KCNH1: variants seen among roughly 807,000 people sequenced by gnomAD.
KCNH1 encodes the protein potassium voltage-gated channel subfamily H member 1.
In KCNH1, 27 loss-of-function variants were observed where a neutral mutation model predicts 69.2. The observed-to-expected ratio is 0.39, with a 90% CI of 0.29 to 0.54. The LOEUF is 0.54. KCNH1 is among the 20% of genes least tolerant of loss of function. KCNH1 has a pLI of 0.68. For missense variants in KCNH1, 798 were observed against 1,261.6 expected, an observed-to-expected ratio of 0.63 and a Z score of 5.57; for synonymous variants, 456 against 487.7, an observed-to-expected ratio of 0.93 and a Z score of 0.86.
At chr1:210,871,093 C>G (rs529514054) in intron 7 of KCNH1, among the ~76,000 whole-genome samples, 1 of 152,292 alleles carries the variant, frequency 6.6e-6, no homozygotes, top group African/African-American at 2.4e-5. Context: ...GCAAAAGAAA[C>G]TACCATCAGA....
intron 10 of KCNH1, among the ~76,000 whole-genome samples, chr1:210,749,972 A>G (rs1683246784): frequency 6.6e-6 from 1 of 152,094 alleles, no homozygotes; most frequent in Non-Finnish European, 1.5e-5. Context: ...CAAACTCCTG[A>G]TCTCAGGTGA....
chr1:210,780,761 G>A (rs1002185555), intron 9 of KCNH1, among the ~76,000 whole-genome samples: 1 of 152,172 alleles, frequency 6.6e-6, no homozygotes, highest in African/African-American at 2.4e-5. Context: ...AAACTGAAAA[G>A]CCATGGCCGG....
At chr1:210,810,839 G>T (rs1210082361) in intron 7 of KCNH1, among the ~76,000 whole-genome samples, 2 of 152,036 alleles carry the variant, frequency 1.3e-5, no homozygotes, top group African/African-American at 4.8e-5. Flanking sequence ...GAAATATATG[G>T]TAATCCTTAG....
intron 6 of KCNH1, among the ~76,000 whole-genome samples, chr1:210,954,253 C>G (rs1000665250): frequency 2.6e-5 from 4 of 152,340 alleles, no homozygotes; most frequent in Admixed American, 2.6e-4. Flanking sequence ...TTTATGGCTG[C>G]ATTGTATTCC....
chr1:210,739,451 C>T (rs12037777), intron 10 of KCNH1, among the ~76,000 whole-genome samples: 1 of 152,212 alleles, frequency 6.6e-6, no homozygotes, highest in Non-Finnish European at 1.5e-5. Flanking sequence ...CCCCACTAGA[C>T]TGCATGGTTT....
intron 10 of KCNH1, among the ~76,000 whole-genome samples, chr1:210,741,067 G>A (rs1683015803): frequency 6.6e-6 from 1 of 152,176 alleles, no homozygotes. Context: ...CACCTAGGGA[G>A]ACACATGCTC....
chr1:210,890,619 G>A (rs118079076), intron 7 of KCNH1, among the ~76,000 whole-genome samples: 1,668 of 152,112 alleles, frequency 0.011, 15 homozygotes, highest in South Asian at 0.017. Flanking sequence ...CCTACAGAAT[G>A]GGAGAAAATG....
intron 7 of KCNH1, among the ~76,000 whole-genome samples, chr1:210,868,212 A>T (rs1686156293): frequency 6.6e-6 from 1 of 152,054 alleles, no homozygotes; most frequent in African/African-American, 2.4e-5. Flanking sequence ...AATTAAATGG[A>T]ACATCTTTTC....
intron 7 of KCNH1, among the ~76,000 whole-genome samples, chr1:210,823,873 C>A (rs1684982998): frequency 1.3e-5 from 2 of 152,128 alleles, no homozygotes; most frequent in South Asian, 4.1e-4. Flanking sequence ...ATTTTTCACA[C>A]CTCTCCCCTG....
chr1:210,884,622 A>C (rs1686564635), intron 7 of KCNH1, among the ~76,000 whole-genome samples: 1 of 152,164 alleles, frequency 6.6e-6, no homozygotes, highest in African/African-American at 2.4e-5. Flanking sequence ...GAAGAGCAGC[A>C]GCACCCAAGA....
At position 211,059,293 on chromosome 1, in the gene KCNH1, A is replaced by G. The variant is rs1244144886; in HGVS notation, c.558+23487T>C. On this transcript the variant is annotated intron_variant, in intron 5 of 10. Coordinates refer to ENST00000271751, the MANE Select transcript of KCNH1 (RefSeq NM_172362.3). The stretch of plus-strand genomic sequence containing the variant: ...AGACTCCATCTCAAAAAAAAAAAAA[A>G]TAGAGAGAGAGAGACAGAAAGTCAT... 2.0e-5 allele frequency among the ~76,000 whole-genome samples: 3 copies of G among 150,876 alleles called. 1 individual carries two copies. Among genetic ancestry groups the G allele is most frequent in the Admixed American group, 2.0e-4 (3 of 15,154 alleles).
intron 1 of KCNH1, among the ~76,000 whole-genome samples, chr1:211,130,020 G>T (rs1000893943): frequency 3.9e-5 from 6 of 152,148 alleles, no homozygotes; most frequent in Admixed American, 6.5e-5. Flanking sequence ...TGGCACCAAG[G>T]TCTGCCAGCC....
intron 7 of KCNH1, among the ~76,000 whole-genome samples, chr1:210,917,005 A>C (rs1348185179): frequency 6.6e-6 from 1 of 151,842 alleles, no homozygotes; most frequent in East Asian, 1.9e-4. Context: ...AAAATTAGCC[A>C]GGTGTCATGG....
At chr1:210,688,155 A>G (rs1046719578) in intron 10 of KCNH1, among the ~76,000 whole-genome samples, 1 of 152,200 alleles carries the variant, frequency 6.6e-6, no homozygotes, top group Admixed American at 6.5e-5. Flanking sequence ...TATATGCAGC[A>G]TTTCTTAAGC....
intron 10 of KCNH1, among the ~76,000 whole-genome samples, chr1:210,713,024 G>T (rs1682116646): frequency 6.6e-6 from 1 of 152,150 alleles, no homozygotes; most frequent in Non-Finnish European, 1.5e-5. Flanking sequence ...ATCAGGAGGG[G>T]TGCTATTGTG....
intron 10 of KCNH1, among the ~76,000 whole-genome samples, chr1:210,761,247 GTC>G (rs1683511575): frequency 3.4e-5 from 1 of 29,418 alleles, no homozygotes; most frequent in Non-Finnish European, 7.1e-5. Context: ...GCGAGACTCC[GTC>G]AAAAAAAAAA....
At chr1:210,783,078 C>T (rs1436563469) in intron 9 of KCNH1, among the ~76,000 whole-genome samples, 3 of 152,168 alleles carry the variant, frequency 2.0e-5, no homozygotes, top group African/African-American at 4.8e-5. Flanking sequence ...AAATAGTAGC[C>T]ACCATAAAAG....
intron 4 of KCNH1, among the ~76,000 whole-genome samples, chr1:211,086,295 A>G (rs1326350316): frequency 1.3e-5 from 2 of 152,066 alleles, no homozygotes; most frequent in African/African-American, 4.8e-5. Flanking sequence ...TTCAGGGGAT[A>G]TTTCTGTGCC....
At chr1:210,808,815 C>T (rs2102412705) in intron 7 of KCNH1, among the ~76,000 whole-genome samples, 1 of 152,230 alleles carries the variant, frequency 6.6e-6, no homozygotes, top group Middle Eastern at 3.4e-3. Flanking sequence ...GGAGAGAAGA[C>T]ATGTAAGTCC....
Sources: gnomAD v4.1 joint callset for allele counts (sites outside exome capture counted in the v4.1 genomes callset) on GRCh38, gnomAD v4.1.1 for gene constraint, MANE v1.5 for transcripts, NCBI Gene and HGNC (gene_info 2026-07-23, HGNC 2026-07-21) for gene names.